VPS13D: variants seen among roughly 807,000 people sequenced by gnomAD.
VPS13D encodes intermembrane lipid transfer protein VPS13D.
Under a neutral mutation model 461.9 loss-of-function variants are expected in VPS13D, and 187 were observed. The observed-to-expected ratio is 0.40, with a 90% CI of 0.36 to 0.46. VPS13D has a LOEUF of 0.46. Ranked by LOEUF, VPS13D falls within the 20% of genes least tolerant of loss-of-function variation. The pLI, the probability that VPS13D is intolerant of heterozygous loss-of-function variation, is 0.60. For synonymous variants in VPS13D, 1,951 were observed against 1,986.3 expected (o/e 0.98, Z 0.47); for missense variants, 4,711 against 5,364.9 (o/e 0.88, Z 3.81).
At chr1:12,447,122 T>A (rs996473180) in intron 65 of VPS13D, among the ~76,000 whole-genome samples, 4 of 152,228 alleles carry the variant, frequency 2.6e-5, no homozygotes, top group African/African-American at 4.8e-5. Flanking sequence ...TTTTCAGAAA[T>A]TTTTTAATAT....
intron 63 of VPS13D, chr1:12,410,041 G>C (rs1439805671): frequency 7.6e-6 from 3 of 392,854 alleles, no homozygotes; most frequent in Non-Finnish European, 1.5e-5. Flanking sequence ...CATGGGGCTA[G>C]CAAAGCAAAA....
intron 67 of VPS13D, among the ~76,000 whole-genome samples, chr1:12,486,145 A>C (rs975060414): frequency 1.3e-5 from 2 of 152,204 alleles, no homozygotes; most frequent in Non-Finnish European, 2.9e-5. Flanking sequence ...AGTTTGACAC[A>C]AGTTCAAGGA....
intron 54 of VPS13D, among the ~76,000 whole-genome samples, chr1:12,369,908 CA>C (rs1644093522): frequency 1.3e-5 from 2 of 152,174 alleles, no homozygotes; most frequent in African/African-American, 4.8e-5. Flanking sequence ...TCCAAAGAGT[CA>C]AGACCCTTCT....
At chr1:12,323,851 C>T (rs1643109105) in intron 35 of VPS13D, 71 bp downstream of exon 35, 8 of 1,507,472 alleles carry the variant, frequency 5.3e-6, no homozygotes, top group Admixed American at 1.7e-5. Flanking sequence ...TCCTCTCTTA[C>T]TTCCACAAGG....
Position 12,354,089 on chromosome 1 carries a change from A to G in VPS13D, c.9547A>G (p.Thr3183Ala), listed in dbSNP as rs752599694. The stretch of plus-strand genomic sequence containing the variant: ...TGGGCATACCATATATCTCCTGCCA[A>G]CTGTGGTAATCTGCAACTTGCTACC... ...QPGHTIYLLP[T>A]VVICNLLPCE... is the part of the protein sequence containing the mutation. Residue 3183 changes from threonine to alanine, a missense_variant, in exon 47 of 70, where the codon ACT becomes GCT. Transcript: ENST00000620676. 5.0e-6 allele frequency: 8 copies of G among 1,614,068 alleles called. No individual in the cohort carries two copies. The highest frequency in any genetic ancestry group is 2.2e-5 in the South Asian group (2 of 91,090).
intron 5 of VPS13D, among the ~76,000 whole-genome samples, chr1:12,248,907 T>A (rs1640643053): frequency 6.6e-6 from 1 of 152,212 alleles, no homozygotes; most frequent in Non-Finnish European, 1.5e-5. Flanking sequence ...GGAGCTCTTT[T>A]GGTAAAACTA....
chr1:12,256,843 G>A (rs1640940129), intron 8 of VPS13D, 144 bp from the exon 9 acceptor site: 1 of 744,504 alleles, frequency 1.3e-6, no homozygotes. Context: ...GTCACTTGAT[G>A]CTGATATTTT....
chr1:12,289,061 C>T (rs1000396685), intron 22 of VPS13D, among the ~76,000 whole-genome samples: 24 of 152,070 alleles, frequency 1.6e-4, no homozygotes, highest in African/African-American at 5.6e-4. Flanking sequence ...AGGCTATTCT[C>T]GAACTCCTGA....
rs1641716065 is a variant in VPS13D, at chr1:12,279,549, C to T, written c.4501C>T (p.Pro1501Ser). The T allele has an allele frequency of 6.2e-7, 1 of 1,612,468 alleles. No individual in the cohort carries two copies. The highest frequency in any genetic ancestry group is 8.5e-7 in the Non-Finnish European group (1 of 1,179,042). ...CATTCAGTTTAAACTGGAGAAGATCCCTATAGAGAGAGAATCTGAATTGAC... is the reference window on the plus strand; with the variant it reads ...CATTCAGTTTAAACTGGAGAAGATCTCTATAGAGAGAGAATCTGAATTGAC... The part of the protein sequence containing the change: ...TTIQFKLEKI[P>S]IERESELTFS... The change falls in exon 20 of 70, where the codon CCT becomes TCT. Residue 1501 changes from proline (P) to serine (S), a missense_variant. Pro to Ser is a moderately conservative substitution (Grantham distance 74). This residue lies in a region of VPS13D where 4,411 missense variants were observed against 4,937.8 expected (regional missense o/e 0.89). Transcript: ENST00000620676. This position sits in a 1 kb window ranked among gnomAD's most constrained non-coding sequence, Gnocchi z 4.3.
chr1:12,442,143 C>A (rs1006202337), intron 65 of VPS13D, among the ~76,000 whole-genome samples: 1 of 152,030 alleles, frequency 6.6e-6, no homozygotes, highest in African/African-American at 2.4e-5. Context: ...AGAGTCAGAT[C>A]TCTAAAACAA....
intron 30 of VPS13D, among the ~76,000 whole-genome samples, chr1:12,315,795 C>T (rs1411230500): frequency 6.6e-6 from 1 of 152,058 alleles, no homozygotes; most frequent in Non-Finnish European, 1.5e-5. Context: ...AGGCTGGCAT[C>T]TGTTTGTTCC....
Position 12,267,882 on chromosome 1 carries a change from T to C in VPS13D, c.1763T>C (p.Leu588Pro), listed in dbSNP as rs1198596942. Residue 588 changes from leucine (L) to proline (P), a missense_variant, in exon 15 of 70, where the codon CTA becomes CCA. Leu to Pro is a moderately conservative substitution (Grantham distance 98, BLOSUM62 -3). This residue lies in a region of VPS13D where 4,411 missense variants were observed against 4,937.8 expected (regional missense o/e 0.89). Coordinates refer to ENST00000620676, the MANE Select transcript of VPS13D (RefSeq NM_015378.4). ...GGCAGAGTCTCACAATCTTTTGGTC[T>C]ACAAACTACATCTGCAGACAGAAGT... ...EVGRVSQSFG[L>P]QTTSADRSDH... is the part of the protein sequence containing the mutation. The C allele has an allele frequency of 6.2e-7, 1 of 1,614,206 alleles. No homozygotes were observed. The highest frequency in any genetic ancestry group is 8.5e-7 in the Non-Finnish European group (1 of 1,180,028).
chr1:12,341,794 C>A lies in VPS13D; in HGVS notation c.8641C>A (p.Pro2881Thr). Residue 2881 changes from proline to threonine, a missense_variant, in exon 41 of 70, where the codon CCC becomes ACC. This residue lies in a region of VPS13D where 4,411 missense variants were observed against 4,937.8 expected (regional missense o/e 0.89). Transcript: ENST00000620676. ...GTTTGTCGTAGCAGAGGTGAAAACC[C>A]CCAAGCGCCGGCAGCCATTTGTCCC... ...QIYARAEVKT[P>T]KRRQPFVPFA... The A allele has an allele frequency of 6.2e-7, 1 of 1,613,922 alleles. No individual in the cohort carries two copies. Among genetic ancestry groups the A allele is most frequent in the Non-Finnish European group, 8.5e-7 (1 of 1,179,948 alleles).
At chr1:12,382,681 T>G (rs1644299098) in intron 57 of VPS13D, among the ~76,000 whole-genome samples, 1 of 152,232 alleles carries the variant, frequency 6.6e-6, no homozygotes, top group Non-Finnish European at 1.5e-5. Flanking sequence ...AGAAGTTTAT[T>G]TTAATGACAA....
chr1:12,390,021 G>A (rs894214442), intron 60 of VPS13D, among the ~76,000 whole-genome samples: 3 of 152,192 alleles, frequency 2.0e-5, no homozygotes, highest in Middle Eastern at 3.2e-3. Flanking sequence ...AAAGTTAGGC[G>A]GAGCCCAAAG....
At chr1:12,506,685 AAAAC>A (rs1646112621) in intron 68 of VPS13D, among the ~76,000 whole-genome samples, 164 bp from the exon 69 acceptor site, 1 of 152,278 alleles carries the variant, frequency 6.6e-6, no homozygotes, top group South Asian at 2.1e-4. Context: ...TGCTCACAGA[AAAAC>A]AACAAACACC....
intron 66 of VPS13D, among the ~76,000 whole-genome samples, chr1:12,458,401 T>A (rs568339697): frequency 6.6e-6 from 1 of 152,108 alleles, no homozygotes; most frequent in Non-Finnish European, 1.5e-5. Context: ...CCAAAAACTT[T>A]GTTCAAAAGT....
chr1:12,335,662 A>G (rs867223310), intron 38 of VPS13D, 43 bp from the exon 39 acceptor site: 13 of 1,564,882 alleles, frequency 8.3e-6, no homozygotes, highest in Non-Finnish European at 8.7e-6. Context: ...CGAACCCTCC[A>G]TCTTTTTTAG....
chr1:12,366,697 T>C (rs945279346), intron 52 of VPS13D, among the ~76,000 whole-genome samples: 10 of 152,230 alleles, frequency 6.6e-5, no homozygotes, highest in Admixed American at 3.9e-4. Context: ...TTTCATTTAC[T>C]TTCCTCACCT....
Sources: allele counts gnomAD v4.1 joint callset (sites outside exome capture counted in the v4.1 genomes callset), GRCh38; gene constraint gnomAD v4.1.1; regional missense constraint gnomAD v4.1.1; non-coding constraint Gnocchi (gnomAD v3.1); transcripts MANE v1.5; gene names NCBI Gene and HGNC (gene_info 2026-07-23, HGNC 2026-07-21).